Variants in SH3RF1 observed in about 807,000 individuals in gnomAD.
The protein encoded by SH3RF1 is SH3 domain containing ring finger 1.
Under a neutral mutation model 74.0 loss-of-function variants are expected in SH3RF1, and 32 were observed. The ratio of observed to expected loss-of-function variants is 0.43; its 90% confidence interval spans 0.33 to 0.58. The LOEUF (loss-of-function observed/expected upper bound fraction) is 0.58. SH3RF1 is among the 20% of genes least tolerant of loss of function. The pLI, the probability that SH3RF1 is intolerant of heterozygous loss-of-function variation, is 0.05. For synonymous variants in SH3RF1, 396 were observed against 439.6 expected (o/e 0.90, Z 1.24); for missense variants, 954 against 1,130.9 (o/e 0.84, Z 2.24).
intron 2 of SH3RF1, chr4:169,167,057 C>T (rs147346380): frequency 0.017 from 3,593 of 207,232 alleles, 50 homozygotes; most frequent in Non-Finnish European, 0.022. Context: ...AGCTCCAGGG[C>T]TACCTATAAT....
chr4:169,263,236 T>C lies in SH3RF1; in HGVS notation c.393+5584A>G, dbSNP rs539541176. Among the ~76,000 whole-genome samples the C allele has an allele frequency of 9.2e-5, 14 of 152,320 alleles. No homozygotes were observed. The East Asian group carries it at 2.5e-3, about 27-fold the overall frequency. On this transcript the variant is annotated intron_variant, in intron 2 of 11. Transcript: ENST00000284637. ...GTCCACACTTGGTATTCTTTGACCA[T>C]GCACTTAATCCAAGGACCACGAACT...
At chr4:169,254,015 T>C (rs1731145926) in intron 2 of SH3RF1, among the ~76,000 whole-genome samples, 1 of 152,240 alleles carries the variant, frequency 6.6e-6, no homozygotes, top group Non-Finnish European at 1.5e-5. Context: ...AGAATTGTTA[T>C]TCAATATCCA....
intron 2 of SH3RF1, among the ~76,000 whole-genome samples, chr4:169,248,237 C>T (rs1731041422): frequency 6.6e-6 from 1 of 152,140 alleles, no homozygotes; most frequent in African/African-American, 2.4e-5. Context: ...TGGAACCAAC[C>T]CAAATGCCCA....
intron 2 of SH3RF1, among the ~76,000 whole-genome samples, chr4:169,260,283 C>A (rs984413939): frequency 1.3e-5 from 2 of 152,154 alleles, no homozygotes; most frequent in Admixed American, 6.6e-5. Context: ...AAAACAAAAA[C>A]AAAGCATTTT....
chr4:169,193,910 T>A (rs1407193717), intron 2 of SH3RF1, among the ~76,000 whole-genome samples: 5 of 152,216 alleles, frequency 3.3e-5, no homozygotes, highest in Admixed American at 6.5e-5. Flanking sequence ...GGTATTCTTT[T>A]CCTGCTTTTT....
intron 9 of SH3RF1, 25 bp from the exon 10 acceptor site, chr4:169,116,655 A>G (rs1388400758): frequency 5.9e-6 from 9 of 1,513,398 alleles, no homozygotes; most frequent in East Asian, 2.3e-5. Context: ...GAGGGAACAC[A>G]GCAAAATTCA....
chr4:169,116,752 T>C, intron 9 of SH3RF1, 122 bp from the exon 10 acceptor site: 1 of 1,312,118 alleles, frequency 7.6e-7, no homozygotes, highest in Non-Finnish European at 1.0e-6. Flanking sequence ...TTTATTACAA[T>C]AAAGATGGGA....
intron 1 of SH3RF1, among the ~76,000 whole-genome samples, chr4:169,270,344 C>T (rs1407737572): frequency 3.3e-5 from 5 of 152,096 alleles, no homozygotes; most frequent in Non-Finnish European, 5.9e-5. Flanking sequence ...CCGGCAGGAG[C>T]CGGTCGCGGC....
chr4:169,117,624 A>T lies in SH3RF1; in HGVS notation c.1676T>A (p.Val559Glu). ...AGSPSVVPAA[V>E]VSAAHIQTSP... ...TGTCTGGATGTGAGCTGCTGATACC[A>T]CAGCTGCGGGGACAACACTGGGACT... The change falls in exon 9 of 12, where the codon GTG becomes GAG. Residue 559 changes from valine (V) to glutamate (E), a missense_variant. Physicochemically the swap from Val to Glu is moderately radical, Grantham distance 121. Around this residue, in one of 3 missense-constraint regions of SH3RF1, gnomAD observed 854 missense variants for 962.5 expected, o/e 0.89. Coordinates refer to ENST00000284637, the MANE Select transcript of SH3RF1 (RefSeq NM_020870.4). 6.2e-7 allele frequency: 1 copy of T among 1,614,168 alleles called. No homozygotes were observed. Among genetic ancestry groups the T allele is most frequent in the Non-Finnish European group, 8.5e-7 (1 of 1,180,036 alleles).
At position 169,096,429 on chromosome 4, in the gene SH3RF1, T is replaced by C; in HGVS notation, c.*90A>G. The C allele has an allele frequency of 7.1e-7, 1 of 1,402,304 alleles. No homozygotes were observed. Among genetic ancestry groups the C allele is most frequent in the East Asian group, 2.3e-5 (1 of 43,806 alleles). The allele number at this position is 1,402,304 out of a possible 1,614,324, so 86.9% of individuals were successfully genotyped here. On this transcript the variant is annotated 3_prime_UTR_variant, in exon 12 of 12. Transcript: ENST00000284637. ...ATCCTTTGCTCATCTCCTGACCATCTGGAAGTCCACAAATGTGCTCTTTCT... is the reference window on the plus strand; with the variant it reads ...ATCCTTTGCTCATCTCCTGACCATCCGGAAGTCCACAAATGTGCTCTTTCT...
chr4:169,215,932 C>T (rs769173419), intron 2 of SH3RF1, among the ~76,000 whole-genome samples: 4 of 151,936 alleles, frequency 2.6e-5, no homozygotes, highest in Non-Finnish European at 4.4e-5. Flanking sequence ...ACCCCCCAAG[C>T]GGCTGGGACC....
intron 4 of SH3RF1, among the ~76,000 whole-genome samples, chr4:169,142,128 A>G (rs190418618): frequency 8.6e-4 from 130 of 150,946 alleles, no homozygotes; most frequent in African/African-American, 3.0e-3. Context: ...TTAATTTGCA[A>G]TTTTTTTAGT....
At chr4:169,226,546 T>G (rs1184092955) in intron 2 of SH3RF1, among the ~76,000 whole-genome samples, 1 of 150,004 alleles carries the variant, frequency 6.7e-6, no homozygotes, top group Non-Finnish European at 1.5e-5. Context: ...ATTAATGAGA[T>G]CATCAAAGCC....
intron 2 of SH3RF1, among the ~76,000 whole-genome samples, chr4:169,213,890 C>T (rs1730417495): frequency 6.6e-6 from 1 of 152,156 alleles, no homozygotes; most frequent in Non-Finnish European, 1.5e-5. Context: ...CTTTCTTTCA[C>T]CAACACCACA....
Position 169,129,137 on chromosome 4 carries a change from C to T in SH3RF1, c.1179+909G>A, listed in dbSNP as rs912204423. On this transcript the variant is annotated intron_variant, in intron 6 of 11. Transcript: ENST00000284637. ...CATTCTCTGCAAACAGCACAACTTA[C>T]GACTGTGGGCAGGCAGGGTGATGCA... is the stretch of plus-strand genomic sequence containing the variant. Among the ~76,000 whole-genome samples the T allele has an allele frequency of 3.3e-5, 5 of 152,178 alleles. No homozygotes were observed. The South Asian group carries it at 6.2e-4, about 19-fold the overall frequency.
chr4:169,140,973 G>GT (rs1733775339), intron 4 of SH3RF1, among the ~76,000 whole-genome samples: 1 of 143,728 alleles, frequency 7.0e-6, no homozygotes, highest in South Asian at 2.2e-4. Context: ...TTGAGGTTTT[G>GT]TTTTTTCTTT....
chr4:169,268,848 C>T lies in SH3RF1; in HGVS notation c.365G>A (p.Arg122Gln), dbSNP rs570364503. ...CACTGGGGGGCTCCAGGATTGCACC[C>T]GAGGCTGCTGTCCGCCCTGGGAGCT... ...LQSSQGGQQP[R>Q]VQSWSPPVRG... is the part of the protein sequence containing the mutation. Residue 122 changes from arginine (R) to glutamine (Q), a missense_variant, in exon 2 of 12, where the codon CGG becomes CAG. Arg to Gln is a conservative substitution (Grantham distance 43). This residue lies in a region of SH3RF1 where 854 missense variants were observed against 962.5 expected (regional missense o/e 0.89). Transcript: ENST00000284637. 5.0e-6 allele frequency: 8 copies of T among 1,606,792 alleles called. No individual in the cohort carries two copies. The highest frequency in any genetic ancestry group is 3.4e-5 in the Admixed American group (2 of 59,648).
intron 2 of SH3RF1, among the ~76,000 whole-genome samples, chr4:169,247,590 G>A (rs1018946787): frequency 6.6e-6 from 1 of 152,202 alleles, no homozygotes; most frequent in Admixed American, 6.5e-5. Context: ...AACACATATA[G>A]GGTGGGGGAT....
intron 2 of SH3RF1, among the ~76,000 whole-genome samples, chr4:169,225,249 G>C (rs1579148709): frequency 6.6e-6 from 1 of 152,174 alleles, no homozygotes; most frequent in South Asian, 2.1e-4. Flanking sequence ...AGTATGACCT[G>C]CTTCGGCTTC....
Sources: allele counts gnomAD v4.1 joint callset (sites outside exome capture counted in the v4.1 genomes callset), GRCh38; gene constraint gnomAD v4.1.1; regional missense constraint gnomAD v4.1.1; transcripts MANE v1.5; gene names NCBI Gene and HGNC (gene_info 2026-07-23, HGNC 2026-07-21).